Variants in ERLIN1 observed in about 807,000 individuals in gnomAD.
ERLIN1 encodes the protein erlin-1.
In ERLIN1, 24 loss-of-function variants were observed where a neutral mutation model predicts 46.9. That is an observed-to-expected ratio of 0.51 (90% CI 0.37 to 0.72). The LOEUF is 0.72. ERLIN1 is among the 30% of genes least tolerant of loss of function. The probability of loss-of-function intolerance (pLI) is 0.00; values close to 1 mark genes in which losing one functional copy is unlikely to be tolerated. For missense variants in ERLIN1, 293 were observed against 417.9 expected (o/e 0.70, Z 2.61); for synonymous variants, 158 against 143.2 (o/e 1.10, Z -0.74).
Position 100,176,060 on chromosome 10 carries a change from G to A in ERLIN1, c.315C>T (p.Ile105=), listed in dbSNP as rs373926474. The A allele has an allele frequency of 2.0e-5, 33 of 1,611,700 alleles. No individual in the cohort carries two copies. Among genetic ancestry groups the A allele is most frequent in the African/African-American group, 1.5e-4 (11 of 74,988 alleles). Residue 105 remains isoleucine (I), a synonymous_variant, in exon 5 of 11, where the codon ATC becomes ATT. Coordinates refer to ENST00000421367, the MANE Select transcript of ERLIN1 (RefSeq NM_006459.4). ...CATAATCTGCAGTATAGTTCCTCAC[G>A]ATATCAAACACTGAAGGAGAGGTAC... The part of the protein sequence containing the change: ...NMLAPYAVFD[I]VRNYTADYDK...
Position 100,183,810 on chromosome 10 carries a change from A to G in ERLIN1, c.141T>C (p.Ser47=), listed in dbSNP as rs780190602. The change falls in exon 2 of 11, where the codon AGT becomes AGC. Residue 47 remains serine, a synonymous_variant. Transcript: ENST00000421367. Reference sequence around the variant, plus strand: ...GCAACATGATATGATAGCCTGGTCCACTGGGGCTAGTTAGTAAAGCTCCTC... The same window carrying G: ...GCAACATGATATGATAGCCTGGTCCGCTGGGGCTAGTTAGTAAAGCTCCTC... ...YRGGALLTSP[S]GPGYHIMLPF... 5 of 1,613,654 alleles carry G rather than the reference A, an allele frequency of 3.1e-6. No individual in the cohort carries two copies. The highest frequency in any genetic ancestry group is 4.2e-6 in the Non-Finnish European group (5 of 1,179,576).
At chr10:100,158,223 G>A (rs77133523) in intron 8 of ERLIN1, among the ~76,000 whole-genome samples, 352 of 152,294 alleles carry the variant, frequency 2.3e-3, no homozygotes, top group African/African-American at 8.0e-3. Flanking sequence ...CTACCAACCA[G>A]CCCAGTTAAG....
At chr10:100,159,309 C>T (rs1430630637) in intron 8 of ERLIN1, among the ~76,000 whole-genome samples, 1 of 152,064 alleles carries the variant, frequency 6.6e-6, no homozygotes, top group African/African-American at 2.4e-5. Flanking sequence ...AGTCAACAAA[C>T]CCATGGTCAT....
rs1213368840 is a variant in ERLIN1 at position 100,152,183 on chromosome 10, G to A, written c.995C>T (p.Ala332Val). ...GACGTTCTCTCCAGAGGGTTCAAGA[G>A]CCTCCTTAGAGGGGAGTGAGCTTTC... Reference protein sequence around the residue: ...GRESSLPSKEALEPSGENVIQ... With the variant: ...GRESSLPSKEVLEPSGENVIQ... The change falls in exon 11 of 11, where the codon GCT becomes GTT. Residue 332 changes from alanine to valine, a missense_variant. By Grantham distance (64) the Ala-to-Val change is moderately conservative. Coordinates refer to ENST00000421367, the MANE Select transcript of ERLIN1 (RefSeq NM_006459.4). 6.2e-7 allele frequency: 1 copy of A among 1,613,624 alleles called. No individual in the cohort carries two copies.
At chr10:100,163,868 G>C in intron 8 of ERLIN1, 136 bp downstream of exon 8, 1 of 622,106 alleles carries the variant, frequency 1.6e-6, no homozygotes, top group South Asian at 2.0e-5. Context: ...ACATCTGAAT[G>C]TACAGTGGAG....
At chr10:100,159,729 A>ATAT (rs1039201306) in intron 8 of ERLIN1, among the ~76,000 whole-genome samples, 2 of 152,088 alleles carry the variant, frequency 1.3e-5, no homozygotes, top group Non-Finnish European at 1.5e-5. Context: ...GAACACCAAT[A>ATAT]TACAAAGTAC....
intron 8 of ERLIN1, among the ~76,000 whole-genome samples, chr10:100,162,047 AT>A (rs1187502255): frequency 6.6e-6 from 1 of 152,150 alleles, no homozygotes; most frequent in Non-Finnish European, 1.5e-5. Flanking sequence ...GAAAAGACTA[AT>A]GAATTTGTCT....
intron 6 of ERLIN1, among the ~76,000 whole-genome samples, chr10:100,173,956 G>C (rs1844149628): frequency 1.3e-5 from 2 of 152,058 alleles, no homozygotes; most frequent in Non-Finnish European, 2.9e-5. Flanking sequence ...CTTCATACAT[G>C]GCAGAAATAT....
chr10:100,166,580 T>C (rs1236892015), intron 7 of ERLIN1, among the ~76,000 whole-genome samples: 1 of 152,240 alleles, frequency 6.6e-6, no homozygotes, highest in Non-Finnish European at 1.5e-5. Context: ...TAAAGTAGTA[T>C]TACTGCTCCT....
intron 8 of ERLIN1, among the ~76,000 whole-genome samples, chr10:100,157,625 C>T (rs1843145930): frequency 6.6e-6 from 1 of 152,174 alleles, no homozygotes; most frequent in African/African-American, 2.4e-5. Flanking sequence ...GGAGATAATT[C>T]CCTCTTTCTC....
intron 8 of ERLIN1, among the ~76,000 whole-genome samples, chr10:100,157,058 A>T (rs1454546061): frequency 6.6e-6 from 1 of 152,202 alleles, no homozygotes; most frequent in Non-Finnish European, 1.5e-5. Context: ...AAGAAGGCAC[A>T]AATGAACAAG....
chr10:100,165,914 C>T (rs1186490887), intron 7 of ERLIN1, among the ~76,000 whole-genome samples: 1 of 152,028 alleles, frequency 6.6e-6, no homozygotes, highest in African/African-American at 2.4e-5. Flanking sequence ...TTACTGGAGA[C>T]AGGGTTTCAC....
rs2134090086 is a variant in ERLIN1 at position 100,151,611 on chromosome 10, T to C, written c.*520A>G. ...AAAAGGTTGCTCAAGTGGAAGATCATTTCCTGGGGAACTTCAGCGGCCTGG... is the reference window on the plus strand; with the variant it reads ...AAAAGGTTGCTCAAGTGGAAGATCACTTCCTGGGGAACTTCAGCGGCCTGG... On this transcript the variant is annotated 3_prime_UTR_variant, in exon 11 of 11. Transcript: ENST00000421367. 1 of 185,680 alleles carries C rather than the reference T, an allele frequency of 5.4e-6. No individual in the cohort carries two copies. Among genetic ancestry groups the C allele is most frequent in the African/African-American group, 2.4e-5 (1 of 42,304 alleles). The allele number at this position is 185,680 out of a possible 1,614,324, so 11.5% of individuals were successfully genotyped here.
intron 6 of ERLIN1, among the ~76,000 whole-genome samples, chr10:100,173,734 C>T (rs1323744712): frequency 6.6e-6 from 1 of 152,182 alleles, no homozygotes; most frequent in East Asian, 1.9e-4. Flanking sequence ...AATCTCAACT[C>T]AATCACAGCC....
At chr10:100,171,660 C>T (rs79872217) in intron 6 of ERLIN1, among the ~76,000 whole-genome samples, 1,928 of 152,270 alleles carry the variant, frequency 0.013, 43 homozygotes, top group African/African-American at 0.044. Flanking sequence ...AGCTTTCCAC[C>T]TCAGCCTCCT....
At chr10:100,162,508 T>G (rs1225141694) in intron 8 of ERLIN1, among the ~76,000 whole-genome samples, 1 of 152,142 alleles carries the variant, frequency 6.6e-6, no homozygotes, top group Non-Finnish European at 1.5e-5. Flanking sequence ...TGTCAATATG[T>G]TGAATGTGAA....
chr10:100,174,679 C>T (rs1356406320), intron 5 of ERLIN1, among the ~76,000 whole-genome samples: 1 of 152,118 alleles, frequency 6.6e-6, no homozygotes, highest in African/African-American at 2.4e-5. Context: ...CAATATGTAT[C>T]CTCATTCTCA....
rs1260547332 is a variant in ERLIN1, at chr10:100,185,877, G to A, written c.-251C>T. 1.9e-6 allele frequency: 1 copy of A among 538,122 alleles called. No individual in the cohort carries two copies. The highest frequency in any genetic ancestry group is 3.3e-6 in the Non-Finnish European group (1 of 303,008). The allele number at this position is 538,122 out of a possible 1,614,324, so 33.3% of individuals were successfully genotyped here. On this transcript the variant is annotated 5_prime_UTR_variant, in exon 1 of 11. Transcript: ENST00000421367. ...GCTTCCTGAAACTCCCTCTCCCAAG[G>A]GTCGCTCCCGGGTGGAAGGCACTAA...
intron 4 of ERLIN1, among the ~76,000 whole-genome samples, chr10:100,177,063 AC>A (rs1313248285): frequency 5.9e-5 from 9 of 152,184 alleles, no homozygotes. Context: ...CAGAGGTTGC[AC>A]TGAGCTGAGA....
Sources: allele counts gnomAD v4.1 joint callset (sites outside exome capture counted in the v4.1 genomes callset), GRCh38; gene constraint gnomAD v4.1.1; transcripts MANE v1.5; gene names NCBI Gene and HGNC (gene_info 2026-07-23, HGNC 2026-07-21).